The following GRM7 variants were observed in gnomAD, a reference collection of about 807,000 sequenced individuals.
GRM7 encodes metabotropic glutamate receptor 7.
A neutral mutation model predicts 84.5 loss-of-function variants in GRM7; 35 were observed. The ratio of observed to expected loss-of-function variants is 0.41; its 90% CI spans 0.32 to 0.55. The LOEUF (loss-of-function observed/expected upper bound fraction) is 0.55, where lower values mean the gene tolerates loss of function less well. Among genes scored for constraint, GRM7 ranks in the 20% least tolerant of loss-of-function variants. The probability of loss-of-function intolerance (pLI) is 0.19; values close to 1 mark genes in which losing one functional copy is unlikely to be tolerated. For synonymous variants in GRM7, 487 were observed against 455.1 expected (o/e 1.07, Z -0.89); for missense variants, 1,003 against 1,194.6 (o/e 0.84, Z 2.36).
At chr3:7,065,250 A>G (rs145887612) in intron 1 of GRM7, among the ~76,000 whole-genome samples, 6,262 of 151,996 alleles carry the variant, frequency 0.041, 240 homozygotes, top group East Asian at 0.092. Flanking sequence ...GTTCTTGGTC[A>G]TGAAGTCCTT....
intron 4 of GRM7, among the ~76,000 whole-genome samples, chr3:7,356,340 C>T (rs903484764): frequency 3.3e-5 from 5 of 151,510 alleles, no homozygotes; most frequent in South Asian, 2.1e-4. Flanking sequence ...CTCACTCTGT[C>T]GCCCAGGCTG....
chr3:7,237,403 C>A (rs571380242), intron 2 of GRM7, among the ~76,000 whole-genome samples: 1 of 152,210 alleles, frequency 6.6e-6, no homozygotes, highest in South Asian at 2.1e-4. Flanking sequence ...ACACCAAACC[C>A]CATGTCTTCC....
chr3:7,187,899 A>G (rs1319805708), intron 2 of GRM7, among the ~76,000 whole-genome samples: 2 of 152,146 alleles, frequency 1.3e-5, no homozygotes, highest in Non-Finnish European at 2.9e-5. Context: ...CCCTACCTTC[A>G]GAGTGAGTCC....
chr3:7,439,798 G>T (rs1364201153), intron 5 of GRM7, among the ~76,000 whole-genome samples: 2 of 152,170 alleles, frequency 1.3e-5, no homozygotes, highest in African/African-American at 2.4e-5. Flanking sequence ...AGTTAAGGAA[G>T]TATTTGAAAA....
chr3:7,434,429 A>C (rs1696958860), intron 5 of GRM7, among the ~76,000 whole-genome samples: 1 of 152,134 alleles, frequency 6.6e-6, no homozygotes, highest in Non-Finnish European at 1.5e-5. Context: ...AGATTTTGCA[A>C]ATGTTTATAG....
chr3:7,131,893 A>T (rs1693614090), intron 1 of GRM7, among the ~76,000 whole-genome samples: 1 of 152,134 alleles, frequency 6.6e-6, no homozygotes, highest in African/African-American at 2.4e-5. Flanking sequence ...TTGCCACATC[A>T]TTTTCTCCAG....
intron 1 of GRM7, among the ~76,000 whole-genome samples, chr3:6,937,750 A>C (rs1697740036): frequency 6.6e-6 from 1 of 152,196 alleles, no homozygotes; most frequent in Non-Finnish European, 1.5e-5. Context: ...ATGCTGTGCT[A>C]ATCTCAGAAC....
chr3:6,886,359 G>C (rs1695695429), intron 1 of GRM7, among the ~76,000 whole-genome samples: 1 of 152,154 alleles, frequency 6.6e-6, no homozygotes, highest in Non-Finnish European at 1.5e-5. Context: ...GTGAGGGGCT[G>C]GGGTAGGGAT....
rs77838846 is a variant in GRM7 at position 6,965,872 on chromosome 3, G to A, written c.519+103965G>A. On this transcript the variant is annotated intron_variant, in intron 1 of 9. Transcript: ENST00000357716. ...GTCTGCTGATTACAGATAGGCAGGA[G>A]TAGGAAGTTCAGCAACCTCTCAGCA... Among the ~76,000 whole-genome samples the A allele has an allele frequency of 6.7e-3, 1,015 of 152,240 alleles. 10 individuals are homozygous for A. Among genetic ancestry groups the A allele is most frequent in the African/African-American group, 0.023 (944 of 41,546 alleles).
chr3:7,469,396 T>C (rs1356836261), intron 7 of GRM7, among the ~76,000 whole-genome samples: 2 of 152,018 alleles, frequency 1.3e-5, no homozygotes, highest in Non-Finnish European at 2.9e-5. Context: ...AATAGAAGAG[T>C]TAGTTTTTGT....
intron 2 of GRM7, among the ~76,000 whole-genome samples, chr3:7,242,544 T>C (rs897646917): frequency 6.6e-6 from 1 of 152,206 alleles, no homozygotes; most frequent in Non-Finnish European, 1.5e-5. Context: ...TTTGCACATA[T>C]GAATGCAATT....
intron 2 of GRM7, among the ~76,000 whole-genome samples, chr3:7,252,352 C>G (rs370769388): frequency 4.6e-5 from 7 of 152,280 alleles, no homozygotes; most frequent in African/African-American, 1.7e-4. Flanking sequence ...ATGCAGAGCC[C>G]CAAAACTTCT....
intron 1 of GRM7, among the ~76,000 whole-genome samples, chr3:6,892,268 G>A (rs1002778564): frequency 6.6e-6 from 1 of 152,110 alleles, no homozygotes; most frequent in Non-Finnish European, 1.5e-5. Context: ...CCTCAGAGAA[G>A]CCCTTCCAGG....
At chr3:7,674,383 G>T (rs1700048873) in intron 8 of GRM7, among the ~76,000 whole-genome samples, 1 of 151,922 alleles carries the variant, frequency 6.6e-6, no homozygotes, top group Non-Finnish European at 1.5e-5. Flanking sequence ...ATAGAGATGG[G>T]GTTTTGCCAC....
At chr3:7,370,076 G>T (rs1458439355) in intron 4 of GRM7, among the ~76,000 whole-genome samples, 1 of 152,054 alleles carries the variant, frequency 6.6e-6, no homozygotes, top group Non-Finnish European at 1.5e-5. Context: ...CATAATATAT[G>T]AAATGAATCC....
At chr3:7,504,575 A>G (rs1408683479) in intron 7 of GRM7, among the ~76,000 whole-genome samples, 1 of 152,250 alleles carries the variant, frequency 6.6e-6, no homozygotes, top group Non-Finnish European at 1.5e-5. Context: ...CTTGCTTGCC[A>G]TAACATGGCA....
At chr3:7,583,531 C>T (rs1007496563) in intron 8 of GRM7, among the ~76,000 whole-genome samples, 5 of 152,298 alleles carry the variant, frequency 3.3e-5, no homozygotes, top group African/African-American at 9.6e-5. Flanking sequence ...AATGAATTTG[C>T]AATCCATTGC....
intron 5 of GRM7, among the ~76,000 whole-genome samples, chr3:7,439,800 A>G (rs996866464): frequency 6.6e-6 from 1 of 152,300 alleles, no homozygotes; most frequent in East Asian, 1.9e-4. Flanking sequence ...TTAAGGAAGT[A>G]TTTGAAAACT....
chr3:7,178,572 T>C (rs995443246), intron 2 of GRM7, among the ~76,000 whole-genome samples: 16 of 152,192 alleles, frequency 1.1e-4, no homozygotes, highest in African/African-American at 3.9e-4. Context: ...CTGAATGTGA[T>C]GGCTAGATTC....
Sources: gnomAD v4.1 joint callset for allele counts (sites outside exome capture counted in the v4.1 genomes callset) on GRCh38, gnomAD v4.1.1 for gene constraint, MANE v1.5 for transcripts, NCBI Gene and HGNC (gene_info 2026-07-23, HGNC 2026-07-21) for gene names.